HNRNPA3: variants seen among roughly 807,000 people sequenced by gnomAD.
HNRNPA3 encodes epididymis secretory sperm binding protein.
A neutral mutation model predicts 45.8 loss-of-function variants in HNRNPA3; 3 were observed. The ratio of observed to expected loss-of-function variants is 0.07; its 90% CI spans 0.03 to 0.17. The LOEUF (loss-of-function observed/expected upper bound fraction) is 0.17, where lower values mean the gene tolerates loss of function less well. Among genes scored for constraint, HNRNPA3 ranks in the 10% least tolerant of loss-of-function variants. HNRNPA3 has a pLI of 1.00. For synonymous variants in HNRNPA3, 170 were observed against 155.6 expected (o/e 1.09, Z -0.69); for missense variants, 183 against 480.3 (o/e 0.38, Z 5.79).
At chr2:177,218,931 G>C (rs573867216) in intron 8 of HNRNPA3, 106 bp from the exon 9 acceptor site, 130 of 1,378,696 alleles carry the variant, frequency 9.4e-5, no homozygotes, top group Non-Finnish European at 1.3e-4. Flanking sequence ...ACAGTGATGT[G>C]TATAAGCATG....
intron 7 of HNRNPA3, 127 bp from the exon 8 acceptor site, chr2:177,217,578 G>A: frequency 9.1e-7 from 1 of 1,099,652 alleles, no homozygotes; most frequent in Non-Finnish European, 1.4e-6. Flanking sequence ...GCATTGCTGT[G>A]GTTGCACCAC....
rs772865771 is a variant in HNRNPA3, at chr2:177,216,498, T to A, written c.554-5T>A. 3 of 1,607,654 alleles carry A rather than the reference T, an allele frequency of 1.9e-6. No individual in the cohort carries two copies. Among genetic ancestry groups the A allele is most frequent in the South Asian group, 1.1e-5 (1 of 90,424 alleles). On this transcript the variant is annotated splice_polypyrimidine_tract_variant and splice_region_variant and intron_variant, in intron 4 of 10. Transcript: ENST00000392524. ...TTTGTTTTGTTTGATTGAAAAAAAA[T>A]TTAGTTCAGAAATACCACACTATTA...
downstream of HNRNPA3, chr2:177,221,570 T>C (rs1689188171): frequency 6.5e-6 from 1 of 152,672 alleles, no homozygotes; most frequent in Admixed American, 6.5e-5. Flanking sequence ...GACCTGTTTA[T>C]AAGTTGTATT....
intron 1 of HNRNPA3, among the ~76,000 whole-genome samples, chr2:177,215,161 G>A (rs1300336282): frequency 6.6e-6 from 1 of 152,126 alleles, no homozygotes. Context: ...GGAGTGTAAT[G>A]ACATGATCTT....
intron 1 of HNRNPA3, 50 bp from the exon 2 acceptor site, chr2:177,215,489 T>C (rs976592723): frequency 1.9e-6 from 3 of 1,587,760 alleles, no homozygotes; most frequent in Non-Finnish European, 1.7e-6. Context: ...TTCGTGCATC[T>C]TAATTCATCT....
chr2:177,217,022 T>A, intron 7 of HNRNPA3, 82 bp downstream of exon 7: 1 of 1,311,682 alleles, frequency 7.6e-7, no homozygotes, highest in South Asian at 1.6e-5. Context: ...TTTCTAATTT[T>A]AGTTAAAACT....
At chr2:177,216,326 G>A in intron 4 of HNRNPA3, 138 bp downstream of exon 4, 2 of 720,972 alleles carry the variant, frequency 2.8e-6, no homozygotes, top group Non-Finnish European at 4.6e-6. Flanking sequence ...GTGTCTGCCT[G>A]TGTAATCAGT....
At chr2:177,220,558 G>GT, downstream of HNRNPA3, 1 of 152,764 alleles carries the variant, frequency 6.5e-6, no homozygotes, top group Non-Finnish European at 1.5e-5. Flanking sequence ...TTTCCTGTTT[G>GT]TATTCTATAC....
At chr2:177,219,497 CTG>C (rs1689097391) in exon 11 of HNRNPA3, 7 of 490,006 alleles carry the variant, frequency 1.4e-5, no homozygotes, top group Non-Finnish European at 2.5e-5. Flanking sequence ...ATTAGAGGAA[CTG>C]TAAAAATCTG....
downstream of HNRNPA3, chr2:177,223,274 A>G (rs189897772): frequency 6.7e-6 from 1 of 148,732 alleles, no homozygotes; most frequent in Non-Finnish European, 1.5e-5. Context: ...TGAAGCAAAC[A>G]TTTTTTTTTT....
intron 8 of HNRNPA3, 90 bp from the exon 9 acceptor site, chr2:177,218,947 A>G (rs1443075700): frequency 4.0e-6 from 6 of 1,501,842 alleles, no homozygotes; most frequent in South Asian, 1.2e-5. Flanking sequence ...GCATGCTACC[A>G]TAATTCTCAA....
intron 1 of HNRNPA3, among the ~76,000 whole-genome samples, chr2:177,213,416 G>A (rs1038078747): frequency 3.3e-5 from 5 of 152,270 alleles, no homozygotes; most frequent in Admixed American, 2.6e-4. Flanking sequence ...GAAGCATGGG[G>A]AGGTAGTGCT....
At chr2:177,220,301 A>G (rs1689132966), downstream of HNRNPA3, 1 of 152,670 alleles carries the variant, frequency 6.6e-6, no homozygotes, top group Admixed American at 6.5e-5. Flanking sequence ...CCCTCCATTT[A>G]AATTCTGAAA....
chr2:177,217,090 T>C, intron 7 of HNRNPA3, 150 bp downstream of exon 7: 8 of 804,032 alleles, frequency 9.9e-6, no homozygotes, highest in East Asian at 3.1e-5. Flanking sequence ...ACAGGAACCC[T>C]TTTTCCCCTG....
At chr2:177,214,034 C>G (rs1486496562) in intron 1 of HNRNPA3, among the ~76,000 whole-genome samples, 1 of 152,194 alleles carries the variant, frequency 6.6e-6, no homozygotes, top group Non-Finnish European at 1.5e-5. Flanking sequence ...ATCTCTACCT[C>G]TAGGAGACAC....
chr2:177,213,487 G>A (rs4383369), intron 1 of HNRNPA3, among the ~76,000 whole-genome samples: 5,687 of 152,312 alleles, frequency 0.037, 374 homozygotes, highest in African/African-American at 0.13. Flanking sequence ...GCGAGAAGTC[G>A]ATAATTGGCC....
Position 177,215,458 on chromosome 2 carries a change from C to T in HNRNPA3, c.73-81C>T, listed in dbSNP as rs1004745070. 11 of 1,374,030 alleles carry T rather than the reference C, an allele frequency of 8.0e-6. No homozygotes were observed. The South Asian group carries it at 9.8e-5, about 12-fold the overall frequency. The allele number at this position is 1,374,030 out of a possible 1,614,324, so 85.1% of individuals were successfully genotyped here. ...CAGGAATTTGATGTTGATTTTATTA[C>T]TTACCGTACATTAAAGGCTCTTCGT... On this transcript the variant is annotated intron_variant, in intron 1 of 10. Coordinates refer to ENST00000392524, the Ensembl canonical transcript of HNRNPA3.
At chr2:177,217,514 A>C (rs1268959030) in intron 7 of HNRNPA3, among the ~76,000 whole-genome samples, 191 bp from the exon 8 acceptor site, 1 of 152,240 alleles carries the variant, frequency 6.6e-6, no homozygotes, top group East Asian at 1.9e-4. Context: ...CCCATAGTCT[A>C]GCTACTCAGG....
At chr2:177,217,210 ATTTTCT>A in intron 7 of HNRNPA3, among the ~76,000 whole-genome samples, 1 of 128,872 alleles carries the variant, frequency 7.8e-6, no homozygotes, top group Non-Finnish European at 1.6e-5. Context: ...ATGAAAACTG[ATTTTCT>A]TTTTTACTAT....
Sources: gnomAD v4.1 joint callset for allele counts (sites outside exome capture counted in the v4.1 genomes callset) on GRCh38, gnomAD v4.1.1 for gene constraint, MANE v1.5 for transcripts, NCBI Gene and HGNC (gene_info 2026-07-23, HGNC 2026-07-21) for gene names.